The following MBNL1 variants were observed in gnomAD, a reference collection of about 807,000 sequenced individuals.
MBNL1 encodes muscleblind like splicing regulator 1, also known as muscleblind-like protein 1.
Under a neutral mutation model 42.2 loss-of-function variants are expected in MBNL1, and 8 were observed. The observed-to-expected ratio is 0.19, with a 90% CI of 0.11 to 0.34. The LOEUF (loss-of-function observed/expected upper bound fraction) is 0.34, where lower values mean the gene tolerates loss of function less well. Ranked by LOEUF, MBNL1 falls within the 10% of genes least tolerant of loss-of-function variation. The pLI, the probability that MBNL1 is intolerant of heterozygous loss-of-function variation, is 1.00. For synonymous variants in MBNL1, 169 were observed against 173.9 expected, an observed-to-expected ratio of 0.97 and a Z score of 0.22; for missense variants, 309 against 495.3, an observed-to-expected ratio of 0.62 and a Z score of 3.57.
At chr3:152,376,263 A>T (rs1223253100) in intron 2 of MBNL1, among the ~76,000 whole-genome samples, 1 of 152,214 alleles carries the variant, frequency 6.6e-6, no homozygotes, top group East Asian at 1.9e-4. Context: ...TCTTGAGAAA[A>T]GACTATATTT....
At chr3:152,275,707 C>CAAAAAAAAA (rs60796721) in intron 1 of MBNL1, among the ~76,000 whole-genome samples, 1 of 29,646 alleles carries the variant, frequency 3.4e-5, no homozygotes. Flanking sequence ...ACTCTTGTCT[C>CAAAAAAAAA]AAAAAAAAAA....
chr3:152,363,796 T>TTGC (rs1439843954), intron 2 of MBNL1, among the ~76,000 whole-genome samples: 1 of 152,148 alleles, frequency 6.6e-6, no homozygotes, highest in Non-Finnish European at 1.5e-5. Context: ...TTAAGCCTCA[T>TTGC]TGCTATATCA....
intron 2 of MBNL1, among the ~76,000 whole-genome samples, chr3:152,345,853 T>G (rs1305482310): frequency 6.6e-6 from 1 of 152,152 alleles, no homozygotes; most frequent in East Asian, 1.9e-4. Flanking sequence ...CTAATCTTTA[T>G]TTAATGAGTT....
intron 2 of MBNL1, among the ~76,000 whole-genome samples, chr3:152,353,883 A>C (rs1254677572): frequency 6.6e-6 from 1 of 152,110 alleles, no homozygotes; most frequent in East Asian, 1.9e-4. Context: ...GATGAGAGAA[A>C]ATCAGTATGA....
chr3:152,455,511 C>G (rs201284981), intron 6 of MBNL1, 31 bp from the exon 7 acceptor site: 88 of 1,598,638 alleles, frequency 5.5e-5, no homozygotes, highest in East Asian at 6.7e-5. Flanking sequence ...CTTTTCAAAT[C>G]CACCTTCCTG....
intron 3 of MBNL1, among the ~76,000 whole-genome samples, chr3:152,427,409 T>C (rs1198727972): frequency 2.0e-5 from 3 of 152,148 alleles, no homozygotes; most frequent in Non-Finnish European, 4.4e-5. Context: ...TTTTTAAAGA[T>C]AGAGGGTCTT....
At chr3:152,447,575 TCTC>T in intron 5 of MBNL1, 42 bp from the exon 6 acceptor site, 1 of 1,533,186 alleles carries the variant, frequency 6.5e-7, no homozygotes. Context: ...TTTTTCTTTT[TCTC>T]TTTTTACTGG....
chr3:152,428,174 A>G (rs2098960328), intron 3 of MBNL1, among the ~76,000 whole-genome samples: 1 of 152,240 alleles, frequency 6.6e-6, no homozygotes, highest in South Asian at 2.1e-4. Context: ...TATATATTCT[A>G]AAGAATATTT....
chr3:152,405,405 A>G (rs1378337358), intron 2 of MBNL1, among the ~76,000 whole-genome samples: 2 of 152,218 alleles, frequency 1.3e-5, no homozygotes, highest in Non-Finnish European at 2.9e-5. Flanking sequence ...TAACATTGGT[A>G]AAGTTTTGAA....
chr3:152,409,289 A>G (rs2098510872), intron 2 of MBNL1, among the ~76,000 whole-genome samples: 1 of 152,174 alleles, frequency 6.6e-6, no homozygotes, highest in African/African-American at 2.4e-5. Flanking sequence ...TAAATATTTT[A>G]TATACGTGTA....
chr3:152,393,272 C>A (rs2097791820), intron 2 of MBNL1, among the ~76,000 whole-genome samples: 1 of 152,188 alleles, frequency 6.6e-6, no homozygotes. Flanking sequence ...CCATTGATGG[C>A]TTTTAAATCT....
intron 2 of MBNL1, among the ~76,000 whole-genome samples, chr3:152,250,580 C>T (rs1419140832): frequency 2.4e-4 from 37 of 152,064 alleles, no homozygotes; most frequent in African/African-American, 8.4e-4. Context: ...GACAATTTGA[C>T]TTCCTCTTTT....
Position 152,398,598 on chromosome 3 carries a change from C to T in MBNL1, c.175-16343C>T, listed in dbSNP as rs148411966. ...ATTATTATCTAGAGAATGGTAAAATCTGTTACCTCTTGCCTGGACTGTTAA... is the reference window on the plus strand; with the variant it reads ...ATTATTATCTAGAGAATGGTAAAATTTGTTACCTCTTGCCTGGACTGTTAA... On this transcript the variant is annotated intron_variant, in intron 2 of 9. Transcript: ENST00000324210. Among the ~76,000 whole-genome samples the T allele has an allele frequency of 3.0e-3, 460 of 152,228 alleles. 4 individuals carry two copies. Among genetic ancestry groups the T allele is most frequent in the African/African-American group, 1.0e-2 (414 of 41,538 alleles).
At chr3:152,399,679 T>C (rs2098131602) in intron 2 of MBNL1, among the ~76,000 whole-genome samples, 2 of 152,056 alleles carry the variant, frequency 1.3e-5, no homozygotes, top group African/African-American at 2.4e-5. Context: ...TTTTTCTATA[T>C]TTTTGTAGAC....
intron 2 of MBNL1, among the ~76,000 whole-genome samples, chr3:152,400,916 T>G (rs1196587399): frequency 6.6e-6 from 1 of 152,210 alleles, no homozygotes; most frequent in East Asian, 1.9e-4. Context: ...AATGAGAATG[T>G]GTATTAGTAT....
At position 152,288,303 on chromosome 3, in the gene MBNL1, G is replaced by A. The variant is rs1425011297; in HGVS notation, c.-789-11102G>A. Reference sequence around the variant, plus strand: ...TCATATAAGAGTATATACCTATCTTGGTTATTTTAATTAGAAGTGCATGCT... The same window carrying A: ...TCATATAAGAGTATATACCTATCTTAGTTATTTTAATTAGAAGTGCATGCT... On this transcript the variant is annotated intron_variant, in intron 1 of 9. Transcript: ENST00000324210. 2.0e-5 allele frequency among the ~76,000 whole-genome samples: 3 copies of A among 152,206 alleles called. No individual in the cohort carries two copies. In the East Asian group the frequency reaches 5.8e-4, roughly 29 times the overall value.
At chr3:152,316,039 G>A (rs769425577) in intron 2 of MBNL1, among the ~76,000 whole-genome samples, 1 of 152,076 alleles carries the variant, frequency 6.6e-6, no homozygotes, top group Non-Finnish European at 1.5e-5. Flanking sequence ...TCACATTGTG[G>A]CCCCAAGGGT....
At chr3:152,317,470 C>A (rs568482456) in intron 2 of MBNL1, among the ~76,000 whole-genome samples, 4 of 152,064 alleles carry the variant, frequency 2.6e-5, no homozygotes, top group Admixed American at 6.5e-5. Context: ...CAGGCATGCA[C>A]CACCATGCCG....
chr3:152,422,764 A>G (rs6440805), intron 3 of MBNL1, among the ~76,000 whole-genome samples: 21,832 of 152,266 alleles, frequency 0.14, 1,630 homozygotes, highest in Middle Eastern at 0.18. Flanking sequence ...ACCACAGTGC[A>G]ATCAAGTTAG....
Sources: gnomAD v4.1 joint callset for allele counts (sites outside exome capture counted in the v4.1 genomes callset) on GRCh38, gnomAD v4.1.1 for gene constraint, MANE v1.5 for transcripts, NCBI Gene and HGNC (gene_info 2026-07-23, HGNC 2026-07-21) for gene names.